SOS2: variants seen among roughly 807,000 people sequenced by gnomAD.
SOS2 encodes the protein SOS Ras/Rho guanine nucleotide exchange factor 2.
SOS2 carries 65 observed loss-of-function variants against 148.2 expected under a neutral mutation model. That is an observed-to-expected ratio of 0.44 (90% confidence interval 0.36 to 0.54). The LOEUF (loss-of-function observed/expected upper bound fraction) is 0.54. SOS2 is among the 20% of genes least tolerant of loss of function. The pLI is 0.00. For synonymous variants in SOS2, 539 were observed against 537.1 expected (o/e 1.00, Z -0.05); for missense variants, 1,341 against 1,590.2 (o/e 0.84, Z 2.67).
Position 50,231,272 on chromosome 14 carries a change from C to A in SOS2, c.12G>T (p.Ala4=), listed in dbSNP as rs780955717. Residue 4 remains alanine, a synonymous_variant, in exon 1 of 23, where the codon GCG becomes GCT. Transcript: ENST00000216373. ...CGCTGAAGAACTCGTAAGGCTGCGG[C>A]GCCTGCTGCATGGCCCCGGCGACAG... The part of the protein sequence containing the change: MQQ[A]PQPYEFFSEE... 6.8e-7 allele frequency: 1 copy of A among 1,471,306 alleles called. No individual in the cohort carries two copies. The highest frequency in any genetic ancestry group is 2.7e-5 in the East Asian group (1 of 37,446). The allele number at this position is 1,471,306 out of a possible 1,614,324, so 91.1% of individuals were successfully genotyped here.
At chr14:50,180,544 A>G (rs760423129) in intron 7 of SOS2, 28 bp downstream of exon 7, 3 of 1,031,092 alleles carry the variant, frequency 2.9e-6, no homozygotes, top group Middle Eastern at 2.2e-4. Context: ...AAAAAAAAAA[A>G]AAAAAAAAAC....
In SOS2 at chr14:50,188,555, A is replaced by T; in HGVS notation, c.656T>A (p.Met219Lys). The T allele has an allele frequency of 1.2e-6, 2 of 1,605,248 alleles. No individual in the cohort carries two copies. The highest frequency in any genetic ancestry group is 1.7e-6 in the Non-Finnish European group (2 of 1,177,904). Residue 219 changes from methionine (M) to lysine (K), a missense_variant, in exon 5 of 23, where the codon ATG becomes AAG. Met to Lys is a moderately conservative substitution (Grantham distance 95). Coordinates refer to ENST00000216373, the MANE Select transcript of SOS2 (RefSeq NM_006939.4). ...GGCTTCTCGAAACACTTTTATGATC[A>T]TATTTAATTCCCGTAGATACTGTCT... ...EERQYLRELN[M>K]IIKVFREAFL...
In SOS2 at chr14:50,203,747, T is replaced by A. The variant is rs115917459; in HGVS notation, c.213+537A>T. 4.8e-3 allele frequency among the ~76,000 whole-genome samples: 730 copies of A among 152,072 alleles called. 5 individuals are homozygous for A. The highest frequency in any genetic ancestry group is 0.016 in the African/African-American group (676 of 41,516). On this transcript the variant is annotated intron_variant, in intron 2 of 22. Transcript: ENST00000216373. ...TGTACAATTTGTTGAGTTTTAGAAA[T>A]GCTTATGTCTGTGTAACCATCATCT...
chr14:50,186,774 T>A (rs549970991), intron 5 of SOS2, among the ~76,000 whole-genome samples: 6 of 152,286 alleles, frequency 3.9e-5, no homozygotes, highest in Non-Finnish European at 7.4e-5. Flanking sequence ...GTATTCCCAG[T>A]AGGAGTTATT....
intron 6 of SOS2, among the ~76,000 whole-genome samples, chr14:50,181,934 A>C (rs1040689167): frequency 5.9e-5 from 9 of 151,702 alleles, no homozygotes; most frequent in Admixed American, 6.6e-5. Flanking sequence ...AATCCATAGA[A>C]GGTAAAGAGC....
chr14:50,155,915 T>C (rs935049242), intron 12 of SOS2: 1 of 152,198 alleles, frequency 6.6e-6, no homozygotes, highest in Non-Finnish European at 1.5e-5. Context: ...TACTTATTTA[T>C]TGCTGATACA....
intron 1 of SOS2, chr14:50,215,402 G>T (rs1566483839): frequency 7.8e-7 from 1 of 1,283,504 alleles, no homozygotes; most frequent in African/African-American, 1.5e-5. Flanking sequence ...GACATCAAGA[G>T]GACAATGGAA....
intron 5 of SOS2, 34 bp downstream of exon 5, chr14:50,188,463 G>A (rs369737557): frequency 9.4e-6 from 13 of 1,381,736 alleles, no homozygotes; most frequent in Non-Finnish European, 1.3e-5. Flanking sequence ...GTTTTTTGGG[G>A]TACACAGAAT....
At chr14:50,127,586 T>C (rs1456366885) in intron 21 of SOS2, among the ~76,000 whole-genome samples, 2 of 152,238 alleles carry the variant, frequency 1.3e-5, no homozygotes, top group Non-Finnish European at 2.9e-5. Context: ...GAAAACCCAG[T>C]GGAGCAGAGT....
At chr14:50,144,069 G>T (rs1594968918) in intron 16 of SOS2, among the ~76,000 whole-genome samples, 1 of 151,876 alleles carries the variant, frequency 6.6e-6, no homozygotes, top group Admixed American at 6.6e-5. Context: ...TCAGACCCAG[G>T]ATTTCCACCC....
chr14:50,178,388 C>A (rs143792719), intron 7 of SOS2, among the ~76,000 whole-genome samples: 38 of 152,076 alleles, frequency 2.5e-4, no homozygotes, highest in African/African-American at 8.9e-4. Flanking sequence ...CCTCCCCAGC[C>A]GTGCTTCCTG....
At chr14:50,214,671 G>A (rs1430640197) in intron 1 of SOS2, among the ~76,000 whole-genome samples, 2 of 149,396 alleles carry the variant, frequency 1.3e-5, no homozygotes, top group Admixed American at 6.7e-5. Context: ...TACATTGTAA[G>A]TGTGGCAGTA....
At chr14:50,176,293 T>C (rs1042144419) in intron 7 of SOS2, among the ~76,000 whole-genome samples, 4 of 152,218 alleles carry the variant, frequency 2.6e-5, no homozygotes, top group African/African-American at 9.6e-5. Flanking sequence ...TAAATTTCTA[T>C]TGTTTATAAG....
chr14:50,156,204 C>G (rs1884812566), intron 12 of SOS2: 1 of 151,720 alleles, frequency 6.6e-6, no homozygotes, highest in African/African-American at 2.4e-5. Flanking sequence ...GTTACTTGGA[C>G]AGTAAAGAGG....
chr14:50,138,576 C>T (rs1263168619), intron 18 of SOS2, 36 bp downstream of exon 18: 8 of 1,131,280 alleles, frequency 7.1e-6, no homozygotes, highest in South Asian at 3.8e-5. Flanking sequence ...CCCATTAACA[C>T]GTTCTCTTCT....
At chr14:50,213,904 A>T (rs1050771268) in intron 1 of SOS2, among the ~76,000 whole-genome samples, 1 of 151,822 alleles carries the variant, frequency 6.6e-6, no homozygotes, top group South Asian at 2.1e-4. Flanking sequence ...AAAAAAAAAA[A>T]AGAGAAAAAA....
intron 4 of SOS2, among the ~76,000 whole-genome samples, chr14:50,191,870 T>C (rs1198635926): frequency 6.6e-6 from 1 of 151,948 alleles, no homozygotes; most frequent in Non-Finnish European, 1.5e-5. Flanking sequence ...TTCAAAAATT[T>C]AAAAAACAAA....
At chr14:50,202,689 C>T (rs979264439) in intron 2 of SOS2, among the ~76,000 whole-genome samples, 1 of 151,906 alleles carries the variant, frequency 6.6e-6, no homozygotes, top group Admixed American at 6.6e-5. Flanking sequence ...GAGCTATGAT[C>T]CTGTCACTAC....
intron 8 of SOS2, among the ~76,000 whole-genome samples, chr14:50,168,998 G>C (rs1010653526): frequency 6.6e-6 from 1 of 152,124 alleles, no homozygotes; most frequent in African/African-American, 2.4e-5. Flanking sequence ...ACCATATATA[G>C]TTACCTAAAA....
Sources: gnomAD v4.1 joint callset for allele counts (sites outside exome capture counted in the v4.1 genomes callset) on GRCh38, gnomAD v4.1.1 for gene constraint, MANE v1.5 for transcripts, NCBI Gene and HGNC (gene_info 2026-07-23, HGNC 2026-07-21) for gene names.